Variants in PRDM7 observed in about 807,000 individuals in gnomAD.
The protein encoded by PRDM7 is PR/SET domain 7, also known as histone-lysine N-methyltransferase PRDM7.
In PRDM7, 52 loss-of-function variants were observed where a neutral mutation model predicts 64.3. That is an observed-to-expected ratio of 0.81 (90% confidence interval 0.65 to 1.02). The LOEUF is 1.02. PRDM7 is among the 50% of genes least tolerant of loss of function. PRDM7 has a pLI of 0.00. For synonymous variants in PRDM7, 192 were observed against 210.1 expected (o/e 0.91, Z 0.74); for missense variants, 574 against 597.1 (o/e 0.96, Z 0.40).
Position 90,057,839 on chromosome 16 carries a change from T to A in PRDM7, c.*450A>T, listed in dbSNP as rs537770778. ...AGATAAGGTTTTATTACTAATGACT[T>A]ACTCATCCTTCCTGCAGACTGGGGC... On this transcript the variant is annotated 3_prime_UTR_variant, in exon 11 of 11. Transcript: ENST00000449207. 1.1e-5 allele frequency: 17 copies of A among 1,489,766 alleles called. No homozygotes were observed. In the African/African-American group the frequency reaches 2.4e-4, roughly 21 times the overall value. 92.3% of individuals were successfully genotyped at this position (1,489,766 alleles called of 1,614,324 possible). A position where few individuals can be genotyped will look rare whatever the true frequency, so the allele number is the denominator to read the frequency against.
chr16:90,057,677 G>T lies in PRDM7; in HGVS notation c.*612C>A. 8.7e-7 allele frequency: 1 copy of T among 1,146,402 alleles called. No homozygotes were observed. Among genetic ancestry groups the T allele is most frequent in the Non-Finnish European group, 1.1e-6 (1 of 905,070 alleles). 71.0% of individuals were successfully genotyped at this position (1,146,402 alleles called of 1,614,324 possible). On this transcript the variant is annotated 3_prime_UTR_variant, in exon 11 of 11. Transcript: ENST00000449207. ...CCTCAACTCTAGTCATGAAAGTGGC[G>T]GATTTGTTTAATTAGTTATTTCCGA...
chr16:90,076,078 G>A (rs1214507854), intron 1 of PRDM7, 83 bp from the exon 2 acceptor site: 6 of 782,690 alleles, frequency 7.7e-6, no homozygotes. Flanking sequence ...ATCTGGCTGG[G>A]GTGTTCAGAG....
intron 4 of PRDM7, among the ~76,000 whole-genome samples, chr16:90,067,245 C>T (rs535300069): frequency 1.8e-4 from 27 of 151,238 alleles, no homozygotes; most frequent in Non-Finnish European, 2.9e-4. Flanking sequence ...AGATTACAGG[C>T]GTGAGCCACT....
At position 90,058,158 on chromosome 16, in the gene PRDM7, C is replaced by G. The variant is rs1033971842; in HGVS notation, c.*131G>C. ...CCCCCACAAATAATTTGCCTGTGTTCCCTGGATTCACTTTCTGGCCTGTTC... is the reference window on the plus strand; with the variant it reads ...CCCCCACAAATAATTTGCCTGTGTTGCCTGGATTCACTTTCTGGCCTGTTC... On this transcript the variant is annotated 3_prime_UTR_variant, in exon 11 of 11. Coordinates refer to ENST00000449207, the MANE Select transcript of PRDM7 (RefSeq NM_001098173.2). 1.2e-6 allele frequency: 2 copies of G among 1,614,092 alleles called. No homozygotes were observed. The highest frequency in any genetic ancestry group is 1.7e-5 in the Admixed American group (1 of 60,004).
At position 90,070,301 on chromosome 16, in the gene PRDM7, T is replaced by C. The variant is rs1025870182; in HGVS notation, c.302-3391A>G. On this transcript the variant is annotated intron_variant, in intron 4 of 10. Coordinates refer to ENST00000449207, the MANE Select transcript of PRDM7 (RefSeq NM_001098173.2). ...GAGGGTGGGACCCTTAGGATGACAT[T>C]AGTGCTTTTGGTTGGGTGCGGTGTC... is the stretch of plus-strand genomic sequence containing the variant. Among the ~76,000 whole-genome samples the C allele has an allele frequency of 6.6e-5, 10 of 150,566 alleles. 1 individual carries two copies. The highest frequency in any genetic ancestry group is 2.5e-4 in the African/African-American group (10 of 40,238).
chr16:90,072,564 G>T (rs1467638176), intron 4 of PRDM7, among the ~76,000 whole-genome samples: 1 of 152,222 alleles, frequency 6.6e-6, no homozygotes, highest in African/African-American at 2.4e-5. Context: ...AATTGCAGTT[G>T]CCAGGAGCTG....
At chr16:90,060,748 C>T in intron 9 of PRDM7, 125 bp from the exon 10 acceptor site, 3 of 1,332,618 alleles carry the variant, frequency 2.3e-6, no homozygotes, top group Non-Finnish European at 3.2e-6. Context: ...TTTCAAAGCC[C>T]AACTCCAGAC....
intron 4 of PRDM7, among the ~76,000 whole-genome samples, chr16:90,071,501 G>A (rs2037955335): frequency 6.6e-6 from 1 of 152,156 alleles, no homozygotes; most frequent in African/African-American, 2.4e-5. Context: ...GAAGAGCATG[G>A]CACTGGCATC....
intron 5 of PRDM7, among the ~76,000 whole-genome samples, chr16:90,064,821 C>T (rs547274027): frequency 2.6e-4 from 39 of 150,246 alleles, no homozygotes; most frequent in Non-Finnish European, 5.2e-4. Flanking sequence ...CAGGTTCAAG[C>T]GATTCTCCTG....
chr16:90,066,121 A>C (rs1421382905), intron 5 of PRDM7, among the ~76,000 whole-genome samples: 1 of 151,416 alleles, frequency 6.6e-6, no homozygotes, highest in Non-Finnish European at 1.5e-5. Flanking sequence ...ATTTTTACTT[A>C]ATAGGGTGTA....
chr16:90,066,843 G>A lies in PRDM7; in HGVS notation c.351+18C>T. On this transcript the variant is annotated intron_variant, in intron 5 of 10. Coordinates refer to ENST00000449207, the MANE Select transcript of PRDM7 (RefSeq NM_001098173.2). ...TATGAGGAAGGTTTCTTGTCAACAG[G>A]ATTTGGGAGATACTTACCTTCTGGT... 1 of 1,567,104 alleles carries A rather than the reference G, an allele frequency of 6.4e-7. No homozygotes were observed. Among genetic ancestry groups the A allele is most frequent in the East Asian group, 2.2e-5 (1 of 44,488 alleles).
In PRDM7 at chr16:90,074,914, AC is replaced by A; in HGVS notation, c.301+1del. On this transcript the variant is annotated splice_donor_variant, in intron 4 of 10. Coordinates refer to ENST00000449207, the MANE Select transcript of PRDM7 (RefSeq NM_001098173.2). LOFTEE classifies it high-confidence loss of function. Reference sequence around the variant, plus strand: ...AAAAATCCTCCTTCCCTTCCCTCTTACCTTGCTGCCTAGGTGTCCATTCTTC... The same window carrying A: ...AAAAATCCTCCTTCCCTTCCCTCTTACTTGCTGCCTAGGTGTCCATTCTTC... The A allele has an allele frequency of 6.2e-7, 1 of 1,612,866 alleles. No homozygotes were observed.
rs376908094 is a variant in PRDM7 at position 90,060,452 on chromosome 16, G to A, written c.1122C>T (p.Ala374=). 29 of 1,613,290 alleles carry A rather than the reference G, an allele frequency of 1.8e-5. No homozygotes were observed. In the Admixed American group the frequency reaches 3.5e-4, roughly 19 times the overall value. The stretch of plus-strand genomic sequence containing the variant: ...AGTTCACAGCCTGGCCTAATGACTC[G>A]GCAGGTTCTATAGAAGATCTGATGC... The part of the protein sequence containing the change: ...ELGIRSSIEP[A]ESLGQAVNCW... The change falls in exon 10 of 11, where the codon GCC becomes GCT. Residue 374 remains alanine, a synonymous_variant. Transcript: ENST00000449207.
chr16:90,076,993 G>A (rs1432018665), intron 1 of PRDM7, among the ~76,000 whole-genome samples: 1 of 151,994 alleles, frequency 6.6e-6, no homozygotes, highest in African/African-American at 2.4e-5. Flanking sequence ...GGCTCCTCAG[G>A]CTCAGAATAT....
At chr16:90,059,096 G>C (rs1323980386) in intron 10 of PRDM7, among the ~76,000 whole-genome samples, 1 of 152,192 alleles carries the variant, frequency 6.6e-6, no homozygotes, top group Non-Finnish European at 1.5e-5. Context: ...CTGAATTTGA[G>C]TATCCTCATT....
intron 5 of PRDM7, among the ~76,000 whole-genome samples, chr16:90,065,793 A>G (rs528796978): frequency 2.6e-5 from 4 of 151,486 alleles, no homozygotes; most frequent in Non-Finnish European, 2.9e-5. Context: ...TAGTCCTGAT[A>G]TATCTCTACA....
chr16:90,074,383 C>G (rs1597694477), intron 4 of PRDM7, among the ~76,000 whole-genome samples: 1 of 152,120 alleles, frequency 6.6e-6, no homozygotes, highest in East Asian at 1.9e-4. Flanking sequence ...TCGAGACCAG[C>G]CTGGCCAACA....
rs1328738288 is a variant in PRDM7, at chr16:90,066,852, G to C, written c.351+9C>G. ...GGTTTCTTGTCAACAGGATTTGGGA[G>C]ATACTTACCTTCTGGTGTTTACTCT... On this transcript the variant is annotated intron_variant, in intron 5 of 10. Coordinates refer to ENST00000449207, the MANE Select transcript of PRDM7 (RefSeq NM_001098173.2). 2 of 1,579,138 alleles carry C rather than the reference G, an allele frequency of 1.3e-6. No individual in the cohort carries two copies. The highest frequency in any genetic ancestry group is 1.7e-6 in the Non-Finnish European group (2 of 1,150,924).
chr16:90,061,168 A>C (rs568379818), intron 9 of PRDM7, among the ~76,000 whole-genome samples: 1 of 152,362 alleles, frequency 6.6e-6, no homozygotes, highest in Admixed American at 6.5e-5. Context: ...GTGTTTAACA[A>C]ATGTGGATTA....
Sources: gnomAD v4.1 joint callset for allele counts (sites outside exome capture counted in the v4.1 genomes callset) on GRCh38, gnomAD v4.1.1 for gene constraint, MANE v1.5 for transcripts, NCBI Gene and HGNC (gene_info 2026-07-23, HGNC 2026-07-21) for gene names.